Variants in CMIP observed in about 807,000 individuals in gnomAD.
CMIP encodes the protein c-Maf inducing protein, also known as C-Maf-inducing protein.
CMIP carries 13 observed loss-of-function variants against 97.3 expected under a neutral mutation model. The observed-to-expected ratio is 0.13, with a 90% CI of 0.09 to 0.21. CMIP has a LOEUF of 0.21. Among genes scored for constraint, CMIP ranks in the 10% least tolerant of loss-of-function variants. CMIP has a pLI of 1.00. For missense variants in CMIP, 847 were observed against 1,024.9 expected (o/e 0.83, Z 2.37); for synonymous variants, 538 against 436.3 (o/e 1.23, Z -2.91).
At chr16:81,509,265 A>G (rs2089766830) in intron 1 of CMIP, among the ~76,000 whole-genome samples, 2 of 152,026 alleles carry the variant, frequency 1.3e-5, no homozygotes, top group South Asian at 4.1e-4. Flanking sequence ...AGGTGCAGAG[A>G]GATGTGGCAT....
chr16:81,544,703 GT>G (rs562654868), intron 1 of CMIP, among the ~76,000 whole-genome samples: 213 of 151,634 alleles, frequency 1.4e-3, no homozygotes, highest in Middle Eastern at 3.4e-3. Context: ...GTGTGTATAT[GT>G]TTGTGGAATG....
intron 6 of CMIP, among the ~76,000 whole-genome samples, chr16:81,662,215 C>T (rs931659190): frequency 6.6e-6 from 1 of 152,222 alleles, no homozygotes. Flanking sequence ...CTGCCCCATG[C>T]TTGCCTCTCA....
chr16:81,682,782 A>G lies in CMIP; in HGVS notation c.1388+4154A>G, dbSNP rs1001251474. Among the ~76,000 whole-genome samples, 4 of 152,194 alleles carry G rather than the reference A, an allele frequency of 2.6e-5. No individual in the cohort carries two copies. In the South Asian group the frequency reaches 8.3e-4, roughly 32 times the overall value. ...ATCAGTTGCTGCGTGTTCCCATAGG[A>G]AGGCCCCTGCATCATTAGAATTTGA... On this transcript the variant is annotated intron_variant, in intron 10 of 20. Transcript: ENST00000537098.
chr16:81,454,179 A>G (rs1444610168), intron 1 of CMIP, among the ~76,000 whole-genome samples: 2 of 152,184 alleles, frequency 1.3e-5, no homozygotes, highest in Non-Finnish European at 2.9e-5. Context: ...AGATGGACCT[A>G]TATGTTCCTG....
At chr16:81,671,890 C>A in intron 8 of CMIP, 76 bp from the exon 9 acceptor site, 1 of 720,752 alleles carries the variant, frequency 1.4e-6, no homozygotes, top group Non-Finnish European at 2.4e-6. Context: ...GAGCAACGCC[C>A]TCCCTTTCCC....
At chr16:81,613,296 C>T (rs1201481938) in intron 2 of CMIP, among the ~76,000 whole-genome samples, 1 of 151,538 alleles carries the variant, frequency 6.6e-6, no homozygotes, top group Non-Finnish European at 1.5e-5. Flanking sequence ...TCACGGATGT[C>T]CCAACCCAAG....
chr16:81,484,405 C>T (rs1013716475), intron 1 of CMIP, among the ~76,000 whole-genome samples: 5 of 152,168 alleles, frequency 3.3e-5, no homozygotes, highest in African/African-American at 9.7e-5. Context: ...CATGGCAACC[C>T]GTCTCCCCGA....
At chr16:81,580,936 C>T (rs868332374) in intron 1 of CMIP, among the ~76,000 whole-genome samples, 2 of 152,350 alleles carry the variant, frequency 1.3e-5, no homozygotes, top group Middle Eastern at 3.4e-3. Context: ...ATTCCCCATT[C>T]CCCTCTCTTC....
At chr16:81,498,305 G>C (rs1209465795) in intron 1 of CMIP, among the ~76,000 whole-genome samples, 1 of 152,220 alleles carries the variant, frequency 6.6e-6, no homozygotes, top group Admixed American at 6.5e-5. Flanking sequence ...CCCTCCCTTG[G>C]GCACATTCTC....
At chr16:81,580,518 C>G (rs2091278767) in intron 1 of CMIP, among the ~76,000 whole-genome samples, 1 of 151,336 alleles carries the variant, frequency 6.6e-6, no homozygotes, top group Non-Finnish European at 1.5e-5. Context: ...ACTGCAACCT[C>G]TGCATCCTGG....
intron 1 of CMIP, among the ~76,000 whole-genome samples, chr16:81,534,694 C>A (rs1012581590): frequency 1.3e-5 from 2 of 151,990 alleles, no homozygotes; most frequent in African/African-American, 2.4e-5. Flanking sequence ...GAACTAAGCA[C>A]CTACACCCAG....
At chr16:81,452,825 G>T (rs986632077) in intron 1 of CMIP, among the ~76,000 whole-genome samples, 1 of 150,690 alleles carries the variant, frequency 6.6e-6, no homozygotes. Context: ...TCCTTGCCCC[G>T]TAAAGCTTCC....
intron 1 of CMIP, among the ~76,000 whole-genome samples, chr16:81,600,812 A>C (rs112052422): frequency 8.5e-5 from 13 of 152,338 alleles, no homozygotes; most frequent in African/African-American, 3.1e-4. Flanking sequence ...CTCCCAGCGC[A>C]AGCCACTTTG....
rs74910057 is a variant in CMIP, at chr16:81,682,878, C to T, written c.1388+4250C>T. ...TTGAAAAGGAAAACTATTCCAAATGCGGGTCGAGGTTGATGGTGAAAAAAA... is the reference window on the plus strand; with the variant it reads ...TTGAAAAGGAAAACTATTCCAAATGTGGGTCGAGGTTGATGGTGAAAAAAA... On this transcript the variant is annotated intron_variant, in intron 10 of 20. Transcript: ENST00000537098. Among the ~76,000 whole-genome samples the T allele has an allele frequency of 8.9e-4, 135 of 152,136 alleles. 1 individual carries two copies. The East Asian group carries it at 0.016, about 18-fold the overall frequency.
intron 1 of CMIP, among the ~76,000 whole-genome samples, chr16:81,591,906 C>T (rs2091472287): frequency 6.6e-6 from 1 of 151,686 alleles, no homozygotes; most frequent in Non-Finnish European, 1.5e-5. Context: ...CTCACTGCAC[C>T]CTCCACCTCC....
chr16:81,454,593 C>T (rs187223465), intron 1 of CMIP, among the ~76,000 whole-genome samples: 44 of 152,334 alleles, frequency 2.9e-4, no homozygotes, highest in Middle Eastern at 3.4e-3. Context: ...AACTTGAACA[C>T]CATATATTAT....
At chr16:81,545,707 C>G (rs1353893691) in intron 1 of CMIP, among the ~76,000 whole-genome samples, 1 of 152,196 alleles carries the variant, frequency 6.6e-6, no homozygotes, top group African/African-American at 2.4e-5. Flanking sequence ...AATCCGAACC[C>G]TCCTCAGCAT....
At chr16:81,477,945 C>G (rs1367404764) in intron 1 of CMIP, among the ~76,000 whole-genome samples, 2 of 152,238 alleles carry the variant, frequency 1.3e-5, no homozygotes, top group Non-Finnish European at 2.9e-5. Flanking sequence ...CTGCTTTCAC[C>G]TTACTGGCCA....
chr16:81,601,791 T>A (rs887956966), intron 1 of CMIP, among the ~76,000 whole-genome samples: 1 of 152,126 alleles, frequency 6.6e-6, no homozygotes, highest in Admixed American at 6.5e-5. Flanking sequence ...TCCAATACCC[T>A]CTGGGCACCG....
Sources: gnomAD v4.1 joint callset for allele counts (sites outside exome capture counted in the v4.1 genomes callset) on GRCh38, gnomAD v4.1.1 for gene constraint, MANE v1.5 for transcripts, NCBI Gene and HGNC (gene_info 2026-07-23, HGNC 2026-07-21) for gene names.